The following FERMT3 variants were observed in gnomAD, a reference collection of about 807,000 sequenced individuals.
The protein encoded by FERMT3 is fermitin family homolog 3.
In FERMT3, 33 loss-of-function variants were observed where a neutral mutation model predicts 80.8. The observed-to-expected ratio is 0.41, with a 90% CI of 0.31 to 0.55. The LOEUF (loss-of-function observed/expected upper bound fraction) is 0.55, where lower values mean the gene tolerates loss of function less well. Ranked by LOEUF, FERMT3 falls within the 20% of genes least tolerant of loss-of-function variation. FERMT3 has a pLI of 0.31. For missense variants in FERMT3, 754 were observed against 908.7 expected (o/e 0.83, Z 2.19); for synonymous variants, 375 against 372.2 (o/e 1.01, Z -0.09).
At position 64,219,507 on chromosome 11, in the gene FERMT3, G is replaced by C. The variant is rs764498293; in HGVS notation, c.895-17G>C. 2 of 1,591,786 alleles carry C rather than the reference G, an allele frequency of 1.3e-6. No individual in the cohort carries two copies. The highest frequency in any genetic ancestry group is 2.3e-5 in the East Asian group (1 of 43,830). On this transcript the variant is annotated splice_polypyrimidine_tract_variant and intron_variant, in intron 7 of 14. Transcript: ENST00000345728. The surrounding 1 kb of genome is among the most constrained non-coding windows in gnomAD (Gnocchi z 4.0). ...AGGCTGCTGGACTCAGCCCTCCCTG[G>C]CTTCATGACCACCTAGTACCACATC...
chr11:64,207,068 C>T (rs1347171657), intron 1 of FERMT3, among the ~76,000 whole-genome samples: 10 of 152,212 alleles, frequency 6.6e-5, no homozygotes, highest in South Asian at 2.1e-4. Flanking sequence ...GCATTGAGCA[C>T]GGTGGTCCTG....
At chr11:64,218,105 G>T (rs939295004) in intron 6 of FERMT3, among the ~76,000 whole-genome samples, 2 of 143,542 alleles carry the variant, frequency 1.4e-5, no homozygotes, top group Admixed American at 1.5e-4. Context: ...CCGGGTTCAC[G>T]CCGTTCTCCT....
rs531385617 is a variant in FERMT3 at position 64,223,294 on chromosome 11, C to T, written c.1813-19C>T. On this transcript the variant is annotated intron_variant, in intron 14 of 14. Transcript: ENST00000345728. ...CTCCCTTATCCCACCCACCATTTGC[C>T]CCTCTGTCTGCCCTTCAGGTGGCCA... 1.9e-6 allele frequency: 3 copies of T among 1,613,732 alleles called. No individual in the cohort carries two copies. Among genetic ancestry groups the T allele is most frequent in the Non-Finnish European group, 2.5e-6 (3 of 1,180,042 alleles).
Position 64,219,586 on chromosome 11 carries a change from G to T in FERMT3, c.957G>T (p.Gly319=). 1.9e-6 allele frequency: 3 copies of T among 1,612,668 alleles called. No homozygotes were observed. Among genetic ancestry groups the T allele is most frequent in the Non-Finnish European group, 2.5e-6 (3 of 1,179,934 alleles). The change falls in exon 8 of 15, where the codon GGG becomes GGT. Residue 319 remains glycine, a synonymous_variant. Coordinates refer to ENST00000345728, the MANE Select transcript of FERMT3 (RefSeq NM_031471.6). This position sits in a 1 kb window ranked among gnomAD's most constrained non-coding sequence, Gnocchi z 4.0. The stretch of plus-strand genomic sequence containing the variant: ...GGGAGCCGGCTGGCACAGACCCAGG[G>T]CTGGACGACCTGGATGTGGCCCTGA... ...EVGEPAGTDP[G]LDDLDVALSN...
rs1307553841 is a variant in FERMT3 at position 64,222,906 on chromosome 11, A to G, written c.1671-142A>G. On this transcript the variant is annotated intron_variant, in intron 13 of 14. Transcript: ENST00000345728. The stretch of plus-strand genomic sequence containing the variant: ...AGATGAGGAACTTGAGGCCCAGGGA[A>G]CCCAAATGGCTTGCTCAGGGTTACA... 3 of 1,045,014 alleles carry G rather than the reference A, an allele frequency of 2.9e-6. No individual in the cohort carries two copies. In the African/African-American group the frequency reaches 4.7e-5, roughly 16 times the overall value. The allele number at this position is 1,045,014 out of a possible 1,614,324, so 64.7% of individuals were successfully genotyped here. A position where few individuals can be genotyped will look rare whatever the true frequency, so the allele number is the denominator to read the frequency against.
intron 6 of FERMT3, among the ~76,000 whole-genome samples, chr11:64,213,708 G>A (rs1337575198): frequency 6.6e-6 from 1 of 150,462 alleles, no homozygotes; most frequent in Non-Finnish European, 1.5e-5. Flanking sequence ...CAGGCGTTGA[G>A]CCACCATGCC....
At chr11:64,207,251 C>G (rs1946331077) in intron 1 of FERMT3, 100 bp from the exon 2 acceptor site, 1 of 1,429,066 alleles carries the variant, frequency 7.0e-7, no homozygotes, top group Admixed American at 1.8e-5. Context: ...TCATGAGCGG[C>G]TTTCCTCTGG....
upstream of FERMT3, among the ~76,000 whole-genome samples, chr11:64,206,152 G>A (rs966059252): frequency 2.6e-5 from 4 of 152,208 alleles, no homozygotes; most frequent in African/African-American, 9.7e-5. Context: ...GGAGGTTGTG[G>A]ATGGTCTGGG....
In FERMT3 at chr11:64,219,728, G is replaced by C. The variant is rs77762249; in HGVS notation, c.1030-12G>C. On this transcript the variant is annotated splice_polypyrimidine_tract_variant and intron_variant, in intron 8 of 14. Transcript: ENST00000345728. The surrounding 1 kb of genome is among the most constrained non-coding windows in gnomAD (Gnocchi z 4.0). Reference sequence around the variant, plus strand: ...GGTACCGGGTGCCCCTCTGACTCTGGTCCTCCCATAGGACAGCCTCACCAC... The same window carrying C: ...GGTACCGGGTGCCCCTCTGACTCTGCTCCTCCCATAGGACAGCCTCACCAC... The C allele has an allele frequency of 1.5e-3, 2,488 of 1,613,720 alleles. 36 individuals are homozygous for C. The African/African-American group carries it at 0.03, about 19-fold the overall frequency.
At chr11:64,214,317 G>A (rs894094313) in intron 6 of FERMT3, among the ~76,000 whole-genome samples, 8 of 151,404 alleles carry the variant, frequency 5.3e-5, no homozygotes, top group Admixed American at 2.0e-4. Context: ...GCAGGCACGC[G>A]CCACCATGCC....
Position 64,210,640 on chromosome 11 carries a change from A to G in FERMT3, c.190A>G (p.Ile64Val), listed in dbSNP as rs1565289822. 6.2e-7 allele frequency: 1 copy of G among 1,614,066 alleles called. No homozygotes were observed. Among genetic ancestry groups the G allele is most frequent in the Non-Finnish European group, 8.5e-7 (1 of 1,179,988 alleles). Residue 64 changes from isoleucine (I) to valine (V), a missense_variant, in exon 3 of 15, where the codon ATT (isoleucine) becomes GTT (valine). Transcript: ENST00000345728. This position sits in a 1 kb window ranked among gnomAD's most constrained non-coding sequence, Gnocchi z 4.3. ...NRKQDWSDHA[I>V]WWEQKRQWLL... ...CAAGCAGGACTGGTCAGACCATGCT[A>G]TTTGGTGGGAACAGAAGAGGCAGTG...
rs761993056 is a variant in FERMT3 at position 64,223,031 on chromosome 11, C to G, written c.1671-17C>G. ...GCAGGGTGGAGCCCTGGCTCACTCTCTCTCCCTGGGGGCCAGGTTCAAGGG... is the reference window on the plus strand; with the variant it reads ...GCAGGGTGGAGCCCTGGCTCACTCTGTCTCCCTGGGGGCCAGGTTCAAGGG... On this transcript the variant is annotated splice_polypyrimidine_tract_variant and intron_variant, in intron 13 of 14. Coordinates refer to ENST00000345728, the MANE Select transcript of FERMT3 (RefSeq NM_031471.6). 2 of 1,613,220 alleles carry G rather than the reference C, an allele frequency of 1.2e-6. No homozygotes were observed. Among genetic ancestry groups the G allele is most frequent in the Non-Finnish European group, 8.5e-7 (1 of 1,179,942 alleles).
intron 12 of FERMT3, 78 bp from the exon 13 acceptor site, chr11:64,220,938 T>A: frequency 6.3e-7 from 1 of 1,579,268 alleles, no homozygotes; most frequent in Admixed American, 1.7e-5. Flanking sequence ...GCTGTCACCC[T>A]GATGGGGAGG....
At position 64,214,168 on chromosome 11, in the gene FERMT3, C is replaced by CTTT. The variant is rs60329788; in HGVS notation, c.786+2437_786+2439dup. On this transcript the variant is annotated intron_variant, in intron 6 of 14. Transcript: ENST00000345728. ...AAATGGTTTTGAAGTTCATAATTGC[C>CTTT]TTTTTTTTTTTTTTTTTTGAGATGA... Among the ~76,000 whole-genome samples the CTTT allele has an allele frequency of 1.8e-3, 204 of 113,428 alleles. 8 individuals carry two copies. Among genetic ancestry groups the CTTT allele is most frequent in the African/African-American group, 5.4e-3 (159 of 29,344 alleles). The allele number at this position is 113,428 out of a possible 152,430, so 74.4% of individuals were successfully genotyped here.
chr11:64,210,501 A>T lies in FERMT3; in HGVS notation c.161-110A>T. On this transcript the variant is annotated intron_variant, in intron 2 of 14. Coordinates refer to ENST00000345728, the MANE Select transcript of FERMT3 (RefSeq NM_031471.6). The surrounding 1 kb of genome is among the most constrained non-coding windows in gnomAD (Gnocchi z 4.3). ...GCCCAGGCTGCCCCACTCTTGGCTT[A>T]GGCAGGGCAGGGGAGTGGTCGCCCC... 2 of 1,123,206 alleles carry T rather than the reference A, an allele frequency of 1.8e-6. No homozygotes were observed. The highest frequency in any genetic ancestry group is 2.7e-6 in the Non-Finnish European group (2 of 753,672). 69.6% of individuals were successfully genotyped at this position (1,123,206 alleles called of 1,614,324 possible).
In FERMT3 at chr11:64,208,227, C is replaced by G. The variant is rs567242136; in HGVS notation, c.160+703C>G. ...TGTGCAGCACAGGAGGAGGTCAGTC[C>G]GACTGTGGAGAGGATAGGGTCCAGA... On this transcript the variant is annotated intron_variant, in intron 2 of 14. Transcript: ENST00000345728. Among the ~76,000 whole-genome samples, 22 of 152,240 alleles carry G rather than the reference C, an allele frequency of 1.4e-4. No homozygotes were observed. In the East Asian group the frequency reaches 3.5e-3, roughly 24 times the overall value.
intron 6 of FERMT3, among the ~76,000 whole-genome samples, chr11:64,212,270 T>C (rs1946459349): frequency 6.6e-6 from 1 of 152,256 alleles, no homozygotes; most frequent in South Asian, 2.1e-4. Context: ...CTCCATGCAA[T>C]GTGCTTCGCG....
rs777764659 is a variant in FERMT3, at chr11:64,219,841, T to C, written c.1080-50T>C. The C allele has an allele frequency of 6.2e-7, 1 of 1,613,674 alleles. No individual in the cohort carries two copies. The highest frequency in any genetic ancestry group is 1.3e-5 in the African/African-American group (1 of 74,862). ...CCTGCTGGAGGGGTTGGTCTGCATA[T>C]GGAGGGAGGGGGTGAGGCGGCCTTT... On this transcript the variant is annotated intron_variant, in intron 9 of 14. Transcript: ENST00000345728. This position sits in a 1 kb window ranked among gnomAD's most constrained non-coding sequence, Gnocchi z 4.0.
At chr11:64,207,636 G>C (rs1423117044) in intron 2 of FERMT3, 112 bp downstream of exon 2, 1 of 1,322,978 alleles carries the variant, frequency 7.6e-7, no homozygotes, top group Non-Finnish European at 1.0e-6. Context: ...TGGTGTCACG[G>C]TGACTCAGGC....
Sources: allele counts gnomAD v4.1 joint callset (sites outside exome capture counted in the v4.1 genomes callset), GRCh38; gene constraint gnomAD v4.1.1; non-coding constraint Gnocchi (gnomAD v3.1); transcripts MANE v1.5; gene names NCBI Gene and HGNC (gene_info 2026-07-23, HGNC 2026-07-21).